Variants in PDE1C observed in about 807,000 individuals in gnomAD.
PDE1C encodes dual specificity calcium/calmodulin-dependent 3',5'-cyclic nucleotide phosphodiesterase 1C.
In PDE1C, 62 loss-of-function variants were observed where a neutral mutation model predicts 93.1. The ratio of observed to expected loss-of-function variants is 0.67; its 90% CI spans 0.54 to 0.82. PDE1C has a LOEUF of 0.82. PDE1C is among the 40% of genes least tolerant of loss of function. PDE1C has a pLI of 0.00. For synonymous variants in PDE1C, 325 were observed against 310.1 expected, an observed-to-expected ratio of 1.05 and a Z score of -0.50; for missense variants, 742 against 884.6, an observed-to-expected ratio of 0.84 and a Z score of 2.04.
intron 2 of PDE1C, among the ~76,000 whole-genome samples, chr7:31,945,583 T>C (rs1806502274): frequency 6.6e-6 from 1 of 152,156 alleles, no homozygotes; most frequent in African/African-American, 2.4e-5. Flanking sequence ...TGAGGAGAAG[T>C]CTGATGTAAT....
chr7:32,416,164 T>C (rs1785273079), intron 1 of PDE1C, among the ~76,000 whole-genome samples: 1 of 152,220 alleles, frequency 6.6e-6, no homozygotes, highest in Non-Finnish European at 1.5e-5. Flanking sequence ...TGCTGACATG[T>C]AAGGGCCTGG....
intron 2 of PDE1C, among the ~76,000 whole-genome samples, chr7:32,201,027 T>C (rs554478745): frequency 6.6e-6 from 1 of 152,362 alleles, no homozygotes; most frequent in Non-Finnish European, 1.5e-5. Flanking sequence ...CTAGATTCCA[T>C]GGACTTAACA....
chr7:32,125,593 T>C (rs1799529165), intron 3 of PDE1C, among the ~76,000 whole-genome samples: 1 of 152,090 alleles, frequency 6.6e-6, no homozygotes, highest in East Asian at 1.9e-4. Context: ...CTGGAAGCCA[T>C]AATCCTCAGC....
At chr7:32,205,160 G>C (rs934228185) in intron 2 of PDE1C, among the ~76,000 whole-genome samples, 7 of 152,168 alleles carry the variant, frequency 4.6e-5, no homozygotes, top group African/African-American at 1.7e-4. Context: ...GCTTCATCCA[G>C]CAATTAAAGG....
intron 3 of PDE1C, among the ~76,000 whole-genome samples, chr7:32,145,863 A>T (rs1317150142): frequency 1.3e-5 from 2 of 152,120 alleles, no homozygotes; most frequent in African/African-American, 4.8e-5. Flanking sequence ...CAGACTTCTG[A>T]CTCCGAGAAC....
At chr7:31,983,095 C>T (rs1445464796) in intron 2 of PDE1C, among the ~76,000 whole-genome samples, 1 of 152,166 alleles carries the variant, frequency 6.6e-6, no homozygotes, top group Non-Finnish European at 1.5e-5. Flanking sequence ...TTAAAATATT[C>T]TAAACCCATC....
intron 9 of PDE1C, among the ~76,000 whole-genome samples, chr7:31,844,169 TTTA>T (rs904640944): frequency 7.9e-5 from 12 of 151,744 alleles, no homozygotes; most frequent in African/African-American, 2.9e-4. Context: ...TATTTATCAG[TTTA>T]TTCTTTTCTA....
At chr7:31,719,684 C>G in the PDE1C span, among the ~76,000 whole-genome samples, 1 of 152,272 alleles carries the variant, frequency 6.6e-6, no homozygotes, top group South Asian at 2.1e-4. Flanking sequence ...CAGACAGTAG[C>G]TGGAATAAAA....
rs564567086 is a variant in PDE1C at position 32,307,873 on chromosome 7, T to C, written c.311-98334A>G. 4.1e-4 allele frequency among the ~76,000 whole-genome samples: 63 copies of C among 152,302 alleles called. 1 individual carries two copies. The highest frequency in any genetic ancestry group is 6.0e-4 in the African/African-American group (25 of 41,576). ...GTTCATCTCACTAGGGAGTGCCAGA[T>C]AGTGGGTGCAGGACAGTGGGTGCAG... On this transcript the variant is annotated intron_variant, in intron 1 of 1. Transcript: ENST00000672256.
chr7:31,695,640 T>C, the PDE1C span: 1 of 1,604,978 alleles, frequency 6.2e-7, no homozygotes, highest in Non-Finnish European at 8.5e-7. Context: ...CAAAGTCATC[T>C]GCACAGCTGT....
intron 1 of PDE1C, among the ~76,000 whole-genome samples, chr7:32,307,172 T>C (rs1401715539): frequency 2.0e-5 from 3 of 152,126 alleles, no homozygotes; most frequent in East Asian, 3.8e-4. Context: ...AACACCACAA[T>C]AAAGATTTTT....
chr7:32,296,058 T>G (rs1812596223), intron 1 of PDE1C, among the ~76,000 whole-genome samples: 1 of 152,208 alleles, frequency 6.6e-6, no homozygotes, highest in Admixed American at 6.5e-5. Context: ...TAAGGGTTTT[T>G]TAAATAACAC....
chr7:31,724,112 T>G, the PDE1C span, among the ~76,000 whole-genome samples: 1 of 152,216 alleles, frequency 6.6e-6, no homozygotes, highest in Non-Finnish European at 1.5e-5. Context: ...GTCAAATATA[T>G]TCTGCCTCAG....
Position 31,816,052 on chromosome 7 carries a change from C to A in PDE1C, c.1685G>T (p.Gly562Val), listed in dbSNP as rs1452514019. The change falls in exon 15 of 18, where the codon GGC becomes GTC. Residue 562 changes from glycine (G) to valine (V), a missense_variant. By Grantham distance (109) the Gly-to-Val change is moderately radical (BLOSUM62 -3). This residue lies in a region of PDE1C where 454 missense variants were observed against 459.4 expected (regional missense o/e 0.99). Transcript: ENST00000396191. ...AKSQAEEGAS[G>V]KAEKKTSGET... ...TCCAGACGTCTTTTTCTCAGCTTTG[C>A]CAGATGCGCCTTCTTCAGCCTGGCT... The A allele has an allele frequency of 6.2e-7, 1 of 1,614,038 alleles. No homozygotes were observed. The highest frequency in any genetic ancestry group is 2.2e-5 in the East Asian group (1 of 44,862).
At chr7:31,745,270 G>A in the PDE1C span, among the ~76,000 whole-genome samples, 1 of 152,308 alleles carries the variant, frequency 6.6e-6, no homozygotes, top group East Asian at 1.9e-4. Flanking sequence ...GAGATGAAGA[G>A]TGGTAATATT....
upstream of PDE1C, among the ~76,000 whole-genome samples, chr7:32,072,988 G>A (rs1796148842): frequency 6.6e-6 from 1 of 152,208 alleles, no homozygotes; most frequent in Non-Finnish European, 1.5e-5. Context: ...TGAAAAGAGA[G>A]ACGAATAATG....
chr7:31,790,047 A>T (rs1173989514), intron 16 of PDE1C: 13 of 1,386,798 alleles, frequency 9.4e-6, no homozygotes, highest in Non-Finnish European at 1.2e-5. Flanking sequence ...CCTCAAACCA[A>T]CCCCCAAAGA....
intron 3 of PDE1C, among the ~76,000 whole-genome samples, chr7:32,145,390 C>T (rs552750163): frequency 1.3e-5 from 2 of 152,264 alleles, no homozygotes; most frequent in African/African-American, 2.4e-5. Flanking sequence ...TTCTCACACC[C>T]TTTTTCCCAT....
At position 32,112,238 on chromosome 7, in the gene PDE1C, A is replaced by G. The variant is rs950354064; in HGVS notation, c.308+57547T>C. ...TGTCACCTCCAAAATGATGTTTTCT[A>G]TCTTCTCCTGCTTCCTTATTTTCCT... On this transcript the variant is annotated intron_variant, in intron 3 of 18. Transcript: ENST00000396193. Among the ~76,000 whole-genome samples, 19 of 152,216 alleles carry G rather than the reference A, an allele frequency of 1.2e-4. 5 individuals carry two copies. Among genetic ancestry groups the G allele is most frequent in the Admixed American group, 6.5e-5 (1 of 15,276 alleles).
Sources: allele counts gnomAD v4.1 joint callset (sites outside exome capture counted in the v4.1 genomes callset), GRCh38; gene constraint gnomAD v4.1.1; regional missense constraint gnomAD v4.1.1; transcripts MANE v1.5; gene names NCBI Gene and HGNC (gene_info 2026-07-23, HGNC 2026-07-21).